The following THOP1 variants were observed in gnomAD, a reference collection of about 807,000 sequenced individuals.
THOP1 encodes thimet oligopeptidase.
THOP1 carries 49 observed loss-of-function variants against 71.8 expected under a neutral mutation model. The observed-to-expected ratio is 0.68, with a 90% CI of 0.54 to 0.87. THOP1 has a LOEUF of 0.87. Among genes scored for constraint, THOP1 ranks in the 40% least tolerant of loss-of-function variants. THOP1 has a pLI of 0.00. For synonymous variants in THOP1, 426 were observed against 421.5 expected, an observed-to-expected ratio of 1.01 and a Z score of -0.13; for missense variants, 843 against 975.6, an observed-to-expected ratio of 0.86 and a Z score of 1.81.
At chr19:2,792,471 C>T (rs111787714) in intron 2 of THOP1, among the ~76,000 whole-genome samples, 1 of 150,764 alleles carries the variant, frequency 6.6e-6, no homozygotes, top group African/African-American at 2.4e-5. Flanking sequence ...AGCCCACCCC[C>T]CCTCTAAACA....
chr19:2,810,882 G>A, intron 11 of THOP1, 114 bp downstream of exon 11: 1 of 1,436,356 alleles, frequency 7.0e-7, no homozygotes, highest in African/African-American at 1.4e-5. Context: ...AGTCCCTGCT[G>A]GGGAGCCACG....
chr19:2,813,062 C>G, intron 12 of THOP1, 53 bp from the exon 13 acceptor site: 1 of 1,544,656 alleles, frequency 6.5e-7, no homozygotes, highest in Non-Finnish European at 8.8e-7. Flanking sequence ...CTGGGGTCCT[C>G]TGCCTTCCTC....
chr19:2,812,209 A>G (rs752338954), intron 12 of THOP1: 1 of 1,518,166 alleles, frequency 6.6e-7, no homozygotes, highest in Non-Finnish European at 8.8e-7. Context: ...TTTCCTCACT[A>G]TGAAGTGCGG....
At chr19:2,800,867 G>A (rs371565441) in intron 5 of THOP1, among the ~76,000 whole-genome samples, 11 of 152,000 alleles carry the variant, frequency 7.2e-5, no homozygotes, top group Admixed American at 3.3e-4. Context: ...CACCGTCCCC[G>A]CGGCCACCCG....
Position 2,801,893 on chromosome 19 carries a change from T to G in THOP1, c.589+2102T>G, listed in dbSNP as rs552068575. ...TGAATCCATGAATGGATTCATCCAT[T>G]CCTGAAGGCAGAGGCCACATGACCC... On this transcript the variant is annotated intron_variant, in intron 5 of 12. Transcript: ENST00000307741. The surrounding 1 kb of genome is among the most constrained non-coding windows in gnomAD (Gnocchi z 5.1). Among the ~76,000 whole-genome samples, 43 of 152,016 alleles carry G rather than the reference T, an allele frequency of 2.8e-4. No individual in the cohort carries two copies. Among genetic ancestry groups the G allele is most frequent in the African/African-American group, 1.0e-3 (43 of 41,452 alleles).
intron 9 of THOP1, chr19:2,810,061 G>T (rs1312811282): frequency 3.5e-6 from 2 of 563,754 alleles, no homozygotes. Flanking sequence ...AAGCGTGGGT[G>T]GCCTCCAGGG....
intron 2 of THOP1, among the ~76,000 whole-genome samples, chr19:2,790,877 C>T (rs1243855630): frequency 6.6e-6 from 1 of 152,198 alleles, no homozygotes; most frequent in Non-Finnish European, 1.5e-5. Context: ...GCAGTTCCTC[C>T]CGTGCTCCGC....
chr19:2,788,545 C>A (rs1302453794), intron 1 of THOP1, among the ~76,000 whole-genome samples: 2 of 152,186 alleles, frequency 1.3e-5, no homozygotes, highest in Non-Finnish European at 2.9e-5. Flanking sequence ...GTGCTACGAT[C>A]TCAGCTCACT....
intron 1 of THOP1, 120 bp downstream of exon 1, chr19:2,785,798 A>C: frequency 9.9e-7 from 1 of 1,008,684 alleles, no homozygotes; most frequent in African/African-American, 1.7e-5. Flanking sequence ...GCCGGGCTGG[A>C]GGGGCAGCGG....
rs1226208342 is a variant in THOP1, at chr19:2,814,080, G to C, written c.*804G>C. On this transcript the variant is annotated 3_prime_UTR_variant, in exon 13 of 13. Coordinates refer to ENST00000307741, the MANE Select transcript of THOP1 (RefSeq NM_003249.5). ...AGGTGAACCAGGGCAGCTGCTGGAA[G>C]CTCGGCCATGGCCCTCATCCTCATG... 6.6e-6 allele frequency: 1 copy of C among 152,328 alleles called. No homozygotes were observed. The highest frequency in any genetic ancestry group is 1.5e-5 in the Non-Finnish European group (1 of 68,134). 9.4% of individuals were successfully genotyped at this position (152,328 alleles called of 1,614,324 possible).
At chr19:2,799,604 C>G in intron 4 of THOP1, 85 bp from the exon 5 acceptor site, 2 of 1,104,440 alleles carry the variant, frequency 1.8e-6, no homozygotes, top group East Asian at 4.8e-5. Flanking sequence ...CCTCAGCCCT[C>G]GGCGAGAGGG....
chr19:2,808,311 G>A lies in THOP1; in HGVS notation c.1322G>A (p.Arg441His), dbSNP rs138112717. The A allele has an allele frequency of 1.7e-4, 262 of 1,581,614 alleles. No homozygotes were observed. The African/African-American group carries it at 3.0e-3, about 18-fold the overall frequency. ...QPGCLRQDGSRQIAIAAMVAN... is the reference protein window; with the variant it reads ...QPGCLRQDGSHQIAIAAMVAN... ...GGCTGCCTGCGGCAGGATGGGAGCC[G>A]CCAGATCGCCATCGCGGCCATGGTG... Residue 441 changes from arginine to histidine, a missense_variant, in exon 9 of 13, where the codon CGC becomes CAC. By Grantham distance (29) the Arg-to-His change is conservative (BLOSUM62 0). Transcript: ENST00000307741.
chr19:2,810,883 G>A (rs1916445388), intron 11 of THOP1, 115 bp downstream of exon 11: 4 of 1,437,110 alleles, frequency 2.8e-6, no homozygotes, highest in East Asian at 2.5e-5. Context: ...GTCCCTGCTG[G>A]GGAGCCACGG....
chr19:2,799,867 C>T (rs1250515119), intron 5 of THOP1, 76 bp downstream of exon 5: 28 of 1,334,544 alleles, frequency 2.1e-5, no homozygotes, highest in Admixed American at 1.3e-4. Context: ...CCTCGGGGGC[C>T]GCCGCTTCCT....
At chr19:2,795,318 C>T (rs1915988420) in intron 3 of THOP1, among the ~76,000 whole-genome samples, 1 of 152,272 alleles carries the variant, frequency 6.6e-6, no homozygotes, top group Admixed American at 6.5e-5. Flanking sequence ...AACACCCCAT[C>T]CCCACATGGC....
At chr19:2,789,739 C>A (rs1306961998) in intron 1 of THOP1, among the ~76,000 whole-genome samples, 1 of 152,052 alleles carries the variant, frequency 6.6e-6, no homozygotes, top group South Asian at 2.1e-4. Flanking sequence ...TGTCTCCACT[C>A]TAGGGCAGGG....
chr19:2,799,544 C>T (rs1355592643), intron 4 of THOP1, 145 bp from the exon 5 acceptor site: 2 of 639,024 alleles, frequency 3.1e-6, no homozygotes, highest in East Asian at 2.8e-5. Flanking sequence ...TCCCGTCTCA[C>T]TCTTTCCTCC....
intron 1 of THOP1, among the ~76,000 whole-genome samples, chr19:2,786,287 C>T (rs1915739968): frequency 6.6e-6 from 1 of 152,162 alleles, no homozygotes; most frequent in African/African-American, 2.4e-5. Context: ...ACTTTGTCTC[C>T]CAAGCGGGAG....
intron 5 of THOP1, among the ~76,000 whole-genome samples, chr19:2,802,115 CCTCCAACACCACCAT>C (rs1487808520): frequency 6.6e-6 from 1 of 151,580 alleles, no homozygotes; most frequent in African/African-American, 2.4e-5. Context: ...AATACCACCA[CCTCCAACACCACCAT>C]CTCCAACACT....
Sources: gnomAD v4.1 joint callset for allele counts (sites outside exome capture counted in the v4.1 genomes callset) on GRCh38, gnomAD v4.1.1 for gene constraint, Gnocchi (gnomAD v3.1) non-coding constraint, MANE v1.5 for transcripts, NCBI Gene and HGNC (gene_info 2026-07-23, HGNC 2026-07-21) for gene names.